ERBB4: variants seen among roughly 807,000 people sequenced by gnomAD.
ERBB4 encodes the protein erb-b2 receptor tyrosine kinase 4.
Under a neutral mutation model 158.0 loss-of-function variants are expected in ERBB4, and 42 were observed. That is an observed-to-expected ratio of 0.27 (90% CI 0.21 to 0.34). ERBB4 has a LOEUF of 0.34. ERBB4 is among the 10% of genes least tolerant of loss of function. ERBB4 has a pLI of 1.00. For missense variants in ERBB4, 1,333 were observed against 1,624.1 expected, an observed-to-expected ratio of 0.82 and a Z score of 3.08; for synonymous variants, 583 against 558.7, an observed-to-expected ratio of 1.04 and a Z score of -0.61.
chr2:212,241,256 CAAAAATAA>C (rs1184480203), intron 1 of ERBB4, among the ~76,000 whole-genome samples: 7 of 149,868 alleles, frequency 4.7e-5, no homozygotes, highest in Admixed American at 1.3e-4. Flanking sequence ...GGCCCTGTCT[CAAAAATAA>C]AAAAATAAAA....
At chr2:212,066,768 G>T (rs2077960406) in intron 2 of ERBB4, among the ~76,000 whole-genome samples, 2 of 151,816 alleles carry the variant, frequency 1.3e-5, no homozygotes, top group Non-Finnish European at 2.9e-5. Context: ...AAAGCTTCTT[G>T]CCAGCAATTA....
At chr2:211,399,055 C>A (rs993709331) in intron 25 of ERBB4, among the ~76,000 whole-genome samples, 2 of 152,224 alleles carry the variant, frequency 1.3e-5, no homozygotes, top group African/African-American at 4.8e-5. Flanking sequence ...GTTCTAATTA[C>A]TTCCTCAATG....
intron 2 of ERBB4, among the ~76,000 whole-genome samples, chr2:212,072,463 C>A (rs896245133): frequency 6.6e-6 from 1 of 151,908 alleles, no homozygotes; most frequent in African/African-American, 2.4e-5. Context: ...TCTCTGACAG[C>A]TCCACCTGTT....
intron 20 of ERBB4, among the ~76,000 whole-genome samples, chr2:211,435,870 T>G (rs1257923820): frequency 6.6e-6 from 1 of 152,248 alleles, no homozygotes; most frequent in Admixed American, 6.5e-5. Flanking sequence ...AAAGTCTACA[T>G]TTTTAAGCCT....
intron 1 of ERBB4, among the ~76,000 whole-genome samples, chr2:212,320,415 G>A (rs1321917599): frequency 2.7e-5 from 4 of 147,152 alleles, no homozygotes; most frequent in East Asian, 2.0e-4. Context: ...TCCTGATCAC[G>A]TTCCTTCTTA....
chr2:211,645,265 A>T (rs928402131), intron 16 of ERBB4, among the ~76,000 whole-genome samples: 1 of 151,824 alleles, frequency 6.6e-6, no homozygotes, highest in Admixed American at 6.6e-5. Context: ...AAAGAGAGAC[A>T]GAGACAGAGA....
intron 16 of ERBB4, among the ~76,000 whole-genome samples, chr2:211,654,093 C>T (rs2071121470): frequency 6.6e-6 from 1 of 152,172 alleles, no homozygotes; most frequent in Non-Finnish European, 1.5e-5. Flanking sequence ...AATTAGCGCT[C>T]TGCTTTCAGT....
chr2:211,609,062 T>G (rs2069091285), intron 19 of ERBB4, among the ~76,000 whole-genome samples: 1 of 152,064 alleles, frequency 6.6e-6, no homozygotes, highest in Admixed American at 6.6e-5. Flanking sequence ...AATGAAGGCC[T>G]CAGCAGCAGC....
intron 2 of ERBB4, among the ~76,000 whole-genome samples, chr2:212,095,796 G>A (rs537876896): frequency 8.4e-4 from 128 of 151,930 alleles, no homozygotes; most frequent in Non-Finnish European, 1.6e-3. Context: ...TTAGCCGGGC[G>A]TGGTGGTGGG....
intron 3 of ERBB4, among the ~76,000 whole-genome samples, chr2:211,916,326 C>T (rs1354938246): frequency 6.6e-6 from 1 of 151,938 alleles, no homozygotes; most frequent in Non-Finnish European, 1.5e-5. Context: ...ATTACAGGCA[C>T]CTGCCACCAC....
At chr2:212,430,502 G>A (rs146881682) in intron 1 of ERBB4, among the ~76,000 whole-genome samples, 15,797 of 151,000 alleles carry the variant, frequency 0.1, 1,113 homozygotes, top group Non-Finnish European at 0.16. Context: ...GTGCAGTGGC[G>A]CGATCTTGGC....
chr2:212,534,313 T>A (rs910416731), intron 1 of ERBB4, among the ~76,000 whole-genome samples: 1 of 152,184 alleles, frequency 6.6e-6, no homozygotes, highest in Non-Finnish European at 1.5e-5. Flanking sequence ...AAGAGCACAA[T>A]TCATTGCCTC....
intron 3 of ERBB4, among the ~76,000 whole-genome samples, chr2:211,880,725 C>T (rs759211894): frequency 1.6e-4 from 25 of 152,008 alleles, no homozygotes; most frequent in Admixed American, 3.3e-4. Flanking sequence ...CTCAAATTTA[C>T]GGTGAAATCA....
At chr2:211,763,054 G>GGT (rs10639302) in intron 4 of ERBB4, among the ~76,000 whole-genome samples, 19,493 of 151,322 alleles carry the variant, frequency 0.13, 1,422 homozygotes, top group East Asian at 0.31. Flanking sequence ...GTGTGTGTGT[G>GGT]GTGTGTGTGT....
At chr2:211,790,055 AC>A (rs2106322624) in intron 3 of ERBB4, among the ~76,000 whole-genome samples, 1 of 152,170 alleles carries the variant, frequency 6.6e-6, no homozygotes, top group South Asian at 2.1e-4. Context: ...ATTTTTTATG[AC>A]CTAACCATAC....
At chr2:212,107,076 G>A (rs1261298693) in intron 2 of ERBB4, among the ~76,000 whole-genome samples, 1 of 152,212 alleles carries the variant, frequency 6.6e-6, no homozygotes, top group Admixed American at 6.5e-5. Flanking sequence ...GTCCCCACTG[G>A]GGTGCTGCCT....
intron 2 of ERBB4, among the ~76,000 whole-genome samples, chr2:212,023,342 C>T (rs1047859023): frequency 7.9e-5 from 12 of 152,042 alleles, no homozygotes; most frequent in African/African-American, 2.9e-4. Flanking sequence ...CTGTCATCTT[C>T]TGAACTGGGT....
At chr2:212,151,510 A>G (rs2080868824) in intron 1 of ERBB4, among the ~76,000 whole-genome samples, 1 of 151,658 alleles carries the variant, frequency 6.6e-6, no homozygotes, top group Non-Finnish European at 1.5e-5. Flanking sequence ...TTGAGTGGGA[A>G]TTTTAAAATT....
chr2:211,635,219 T>C (rs1324622963), intron 16 of ERBB4, among the ~76,000 whole-genome samples: 1 of 152,212 alleles, frequency 6.6e-6, no homozygotes, highest in Non-Finnish European at 1.5e-5. Flanking sequence ...ATAGTTTACC[T>C]TATTCTGTGA....
Sources: gnomAD v4.1 joint callset for allele counts (sites outside exome capture counted in the v4.1 genomes callset) on GRCh38, gnomAD v4.1.1 for gene constraint, MANE v1.5 for transcripts, NCBI Gene and HGNC (gene_info 2026-07-23, HGNC 2026-07-21) for gene names.